Variants in SP140 observed in about 807,000 individuals in gnomAD.
The protein encoded by SP140 is nuclear body protein SP140.
A neutral mutation model predicts 125.0 loss-of-function variants in SP140; 81 were observed. The ratio of observed to expected loss-of-function variants is 0.65; its 90% CI spans 0.54 to 0.78. The LOEUF is 0.78. SP140 is among the 30% of genes least tolerant of loss of function. The pLI is 0.00. For synonymous variants in SP140, 312 were observed against 354.0 expected (o/e 0.88, Z 1.33); for missense variants, 858 against 1,037.0 (o/e 0.83, Z 2.37).
At chr2:230,248,807 A>G in intron 8 of SP140, 78 bp from the exon 9 acceptor site, 1 of 1,197,966 alleles carries the variant, frequency 8.3e-7, no homozygotes, top group Non-Finnish European at 1.2e-6. Context: ...GCATTTGCCC[A>G]TCTTGGATGG....
chr2:230,244,801 A>G (rs1249691818), intron 5 of SP140, among the ~76,000 whole-genome samples, 187 bp from the exon 6 acceptor site: 3 of 151,918 alleles, frequency 2.0e-5, no homozygotes, highest in African/African-American at 7.3e-5. Flanking sequence ...TGAGAAGGAG[A>G]AAGGAGGTAG....
At chr2:230,191,147 A>C in the SP140 span, among the ~76,000 whole-genome samples, 499 of 152,320 alleles carry the variant, frequency 3.3e-3, 3 homozygotes, top group African/African-American at 0.011. Context: ...AGCAGTGTTA[A>C]GAGGAAAACT....
intron 5 of SP140, among the ~76,000 whole-genome samples, chr2:230,244,667 G>A (rs147459453): frequency 6.6e-6 from 1 of 152,254 alleles, no homozygotes; most frequent in African/African-American, 2.4e-5. Context: ...GGAGACACAA[G>A]TAGGAAAATG....
At chr2:230,252,321 A>G (rs1202889000) in intron 10 of SP140, among the ~76,000 whole-genome samples, 2 of 152,058 alleles carry the variant, frequency 1.3e-5, no homozygotes, top group African/African-American at 4.8e-5. Flanking sequence ...AGTTGCCTTC[A>G]TAGAGTAGCA....
At chr2:230,187,115 A>G in the SP140 span, among the ~76,000 whole-genome samples, 501 of 152,262 alleles carry the variant, frequency 3.3e-3, 3 homozygotes, top group African/African-American at 0.012. Flanking sequence ...TTGCACTCCC[A>G]CCAGCAGTGT....
intron 15 of SP140, among the ~76,000 whole-genome samples, chr2:230,283,812 G>T (rs1458333949): frequency 6.6e-6 from 1 of 152,188 alleles, no homozygotes; most frequent in African/African-American, 2.4e-5. Context: ...GGAGTCAGCT[G>T]CTCTGCAGCC....
chr2:230,305,667 G>A (rs1292204625), intron 22 of SP140, among the ~76,000 whole-genome samples: 2 of 152,246 alleles, frequency 1.3e-5, no homozygotes, highest in Admixed American at 6.5e-5. Context: ...CACGTAGCGT[G>A]GGGGTCGGGC....
At chr2:230,272,670 G>A (rs2054109763) in intron 15 of SP140, among the ~76,000 whole-genome samples, 1 of 151,898 alleles carries the variant, frequency 6.6e-6, no homozygotes, top group Non-Finnish European at 1.5e-5. Flanking sequence ...CCCAGTCTTG[G>A]GTGTGTCTTT....
chr2:230,209,907 C>G lies in SP140; in HGVS notation c.-322-3747C>G, dbSNP rs201098230. ...AACTCTGAATTCACCCTTCTGACCTCTACAGAAGAAAGGCTTTTCTTACCT... is the reference window on the plus strand; with the variant it reads ...AACTCTGAATTCACCCTTCTGACCTGTACAGAAGAAAGGCTTTTCTTACCT... On this transcript the variant is annotated intron_variant, in intron 1 of 4. Transcript: ENST00000456542. 4.9e-6 allele frequency: 7 copies of G among 1,435,554 alleles called. No homozygotes were observed. In the South Asian group the frequency reaches 8.0e-5, roughly 16 times the overall value. 88.9% of individuals were successfully genotyped at this position (1,435,554 alleles called of 1,614,324 possible). A position where few individuals can be genotyped will look rare whatever the true frequency, so the allele number is the denominator to read the frequency against.
rs759224441 is a variant in SP140 at position 230,269,634 on chromosome 2, A to G, written c.1327+16A>G. The stretch of plus-strand genomic sequence containing the variant: ...AATGTACCAGGTAATTATGACTTAA[A>G]AATAGTGAAAACAGAAACAGAGTTC... On this transcript the variant is annotated intron_variant, in intron 13 of 26. Transcript: ENST00000392045. 7.1e-7 allele frequency: 1 copy of G among 1,416,756 alleles called. No homozygotes were observed. Among genetic ancestry groups the G allele is most frequent in the African/African-American group, 1.4e-5 (1 of 69,586 alleles). 87.8% of individuals were successfully genotyped at this position (1,416,756 alleles called of 1,614,324 possible).
chr2:230,310,814 A>C lies in SP140; in HGVS notation c.2246A>C (p.Glu749Ala). 1 of 1,459,620 alleles carries C rather than the reference A, an allele frequency of 6.9e-7. No homozygotes were observed. The highest frequency in any genetic ancestry group is 1.2e-5 in the South Asian group (1 of 80,250). The allele number at this position is 1,459,620 out of a possible 1,614,324, so 90.4% of individuals were successfully genotyped here. A position where few individuals can be genotyped will look rare whatever the true frequency, so the allele number is the denominator to read the frequency against. Residue 749 changes from glutamate to alanine, a missense_variant, in exon 24 of 27, where the codon GAG (glutamate) becomes GCG (alanine). By Grantham distance (107) the Glu-to-Ala change is moderately radical. This residue lies in a region of SP140 where 22 missense variants were observed against 50.5 expected (regional missense o/e 0.44). Transcript: ENST00000392045. ...AGCCAACAGTGTTGTCAGGAATCTG[A>C]GGTCCTGGAGAGGCAGATGTGTCCT... ...PGSQQCCQES[E>A]VLERQMCPEE... is the part of the protein sequence containing the mutation.
the SP140 span, among the ~76,000 whole-genome samples, chr2:230,192,063 G>C: frequency 2.6e-5 from 4 of 152,084 alleles, no homozygotes; most frequent in Admixed American, 2.6e-4. Context: ...ATGCAGAAAA[G>C]GCCTTTGATA....
chr2:230,201,780 G>C (rs2043206336), upstream of SP140, among the ~76,000 whole-genome samples: 1 of 152,160 alleles, frequency 6.6e-6, no homozygotes, highest in Non-Finnish European at 1.5e-5. Flanking sequence ...CAAAATGCAA[G>C]GTGGATTAAT....
intron 23 of SP140, 148 bp from the exon 24 acceptor site, chr2:230,310,595 G>A (rs1054856833): frequency 4.5e-6 from 7 of 1,562,460 alleles, no homozygotes; most frequent in African/African-American, 1.4e-5. Context: ...GAGACCCCAT[G>A]TGTGAATCTT....
At chr2:230,221,626 A>G (rs946177201), upstream of SP140, 12 of 1,351,850 alleles carry the variant, frequency 8.9e-6, no homozygotes, top group Middle Eastern at 3.7e-4. Context: ...GCATGCAGTA[A>G]CATACAGCGC....
chr2:230,262,067 A>G (rs1020547189), intron 12 of SP140, among the ~76,000 whole-genome samples: 2 of 152,118 alleles, frequency 1.3e-5, no homozygotes, highest in African/African-American at 4.8e-5. Context: ...TCTGCTGTGA[A>G]TCCGTCTGAT....
chr2:230,220,324 A>G (rs924771883), intron 3 of SP140, among the ~76,000 whole-genome samples: 1 of 152,186 alleles, frequency 6.6e-6, no homozygotes, highest in African/African-American at 2.4e-5. Context: ...GTTGATGAAA[A>G]TGTTCTCAAA....
chr2:230,296,766 C>A (rs2057775284), intron 21 of SP140, among the ~76,000 whole-genome samples: 1 of 152,118 alleles, frequency 6.6e-6, no homozygotes, highest in Admixed American at 6.5e-5. Context: ...GGTGGGATGA[C>A]ACAAAGGCCA....
intron 26 of SP140, 35 bp from the exon 27 acceptor site, chr2:230,312,551 G>A (rs1480525842): frequency 2.1e-6 from 3 of 1,399,750 alleles, no homozygotes; most frequent in Non-Finnish European, 2.0e-6. Flanking sequence ...CGCTAATGAT[G>A]AGGAGCATTG....
Sources: allele counts gnomAD v4.1 joint callset (sites outside exome capture counted in the v4.1 genomes callset), GRCh38; gene constraint gnomAD v4.1.1; regional missense constraint gnomAD v4.1.1; transcripts MANE v1.5; gene names NCBI Gene and HGNC (gene_info 2026-07-23, HGNC 2026-07-21).